The following PMF1 variants were observed in gnomAD, a reference collection of about 807,000 sequenced individuals.
PMF1 encodes the protein polyamine-modulated factor 1.
In PMF1, 21 loss-of-function variants were observed where a neutral mutation model predicts 26.7. The ratio of observed to expected loss-of-function variants is 0.79; its 90% confidence interval spans 0.56 to 1.13. The LOEUF (loss-of-function observed/expected upper bound fraction) is 1.13, where lower values mean the gene tolerates loss of function less well. PMF1 is among the 50% of genes most tolerant of loss of function. PMF1 has a pLI of 0.00. For missense variants in PMF1, 266 were observed against 254.9 expected, an observed-to-expected ratio of 1.04 and a Z score of -0.30; for synonymous variants, 105 against 101.0, an observed-to-expected ratio of 1.04 and a Z score of -0.24.
chr1:156,217,233 TAAAAAAAAAAAAG>T (rs1657814626), intron 1 of PMF1, among the ~76,000 whole-genome samples: 1 of 97,982 alleles, frequency 1.0e-5, no homozygotes, highest in African/African-American at 4.2e-5. Context: ...TAAAGTATAA[TAAAAAAAAAAAAG>T]AAAAAAAAAA....
At chr1:156,217,240 A>G (rs561544814) in intron 1 of PMF1, among the ~76,000 whole-genome samples, 1 of 121,832 alleles carries the variant, frequency 8.2e-6, no homozygotes, top group East Asian at 2.0e-4. Context: ...TAATAAAAAA[A>G]AAAAAGAAAA....
At chr1:156,217,203 T>G (rs1195666581) in intron 1 of PMF1, among the ~76,000 whole-genome samples, 2 of 139,952 alleles carry the variant, frequency 1.4e-5, no homozygotes, top group African/African-American at 2.7e-5. Context: ...CTGCACAATG[T>G]GCACATGTAC....
At position 156,220,421 on chromosome 1, in the gene PMF1, C is replaced by T. The variant is rs552461498; in HGVS notation, c.161+7245C>T. Among the ~76,000 whole-genome samples, 17 of 151,976 alleles carry T rather than the reference C, an allele frequency of 1.1e-4. No homozygotes were observed. The East Asian group carries it at 3.3e-3, about 29-fold the overall frequency. On this transcript the variant is annotated intron_variant, in intron 1 of 4. Transcript: ENST00000368277. ...TAGAAATGGGGTCTTGCTACATTGC[C>T]CAGTCTGGTCTCCAACTTCTAGGAT... is the stretch of plus-strand genomic sequence containing the variant.
At chr1:156,217,094 G>C (rs892335747) in intron 1 of PMF1, among the ~76,000 whole-genome samples, 4 of 151,106 alleles carry the variant, frequency 2.6e-5, no homozygotes, top group African/African-American at 7.3e-5. Flanking sequence ...GGGGTTGGGG[G>C]AGCGGGGAGG....
chr1:156,234,839 C>G (rs2103126088), intron 3 of PMF1, among the ~76,000 whole-genome samples: 1 of 152,132 alleles, frequency 6.6e-6, no homozygotes, highest in East Asian at 1.9e-4. Context: ...AGAAACTTAG[C>G]AGTGAACAAG....
intron 1 of PMF1, among the ~76,000 whole-genome samples, chr1:156,217,709 C>T (rs1411732428): frequency 6.8e-6 from 1 of 146,568 alleles, no homozygotes; most frequent in Non-Finnish European, 1.5e-5. Flanking sequence ...GCCTGGGCAA[C>T]AGAGCTAGTC....
chr1:156,224,912 T>C (rs1658271905), intron 1 of PMF1, among the ~76,000 whole-genome samples: 1 of 151,602 alleles, frequency 6.6e-6, no homozygotes, highest in Admixed American at 6.6e-5. Flanking sequence ...TTTTTTTTTT[T>C]CCTTTTTGAG....
In PMF1 at chr1:156,236,280, C is replaced by T. The variant is rs1320899157; in HGVS notation, c.369-8C>T. 6.2e-7 allele frequency: 1 copy of T among 1,601,374 alleles called. No individual in the cohort carries two copies. The highest frequency in any genetic ancestry group is 1.7e-5 in the Admixed American group (1 of 59,640). On this transcript the variant is annotated splice_polypyrimidine_tract_variant and splice_region_variant and intron_variant, in intron 3 of 4. Coordinates refer to ENST00000368277, the MANE Select transcript of PMF1 (RefSeq NM_007221.4). Reference sequence around the variant, plus strand: ...CCTTCATTCCTTGTGCCCCGTGTGGCCCTCCAGGCGCCCCAGCGGGATCCC... The same window carrying T: ...CCTTCATTCCTTGTGCCCCGTGTGGTCCTCCAGGCGCCCCAGCGGGATCCC...
chr1:156,236,151 A>ACC, intron 3 of PMF1, 137 bp from the exon 4 acceptor site: 1 of 1,141,878 alleles, frequency 8.8e-7, no homozygotes, highest in Non-Finnish European at 1.2e-6. Context: ...GGTGAGAGGG[A>ACC]CCACAGGAGA....
intron 3 of PMF1, 123 bp from the exon 4 acceptor site, chr1:156,236,165 C>G: frequency 7.3e-7 from 1 of 1,366,690 alleles, no homozygotes; most frequent in Non-Finnish European, 1.0e-6. Flanking sequence ...CAGGAGAGAC[C>G]TGGGAAGCCA....
chr1:156,218,816 C>T (rs909012498), intron 1 of PMF1, among the ~76,000 whole-genome samples: 4 of 151,952 alleles, frequency 2.6e-5, no homozygotes, highest in African/African-American at 9.7e-5. Context: ...ACAGATATTG[C>T]CTAATCCGTT....
chr1:156,232,485 T>A, intron 2 of PMF1, 60 bp downstream of exon 2: 1 of 1,544,804 alleles, frequency 6.5e-7, no homozygotes, highest in Non-Finnish European at 8.9e-7. Context: ...AGATTGTCAG[T>A]CCCCTGAGGG....
chr1:156,234,897 G>A (rs1031557273), intron 3 of PMF1, among the ~76,000 whole-genome samples: 3 of 152,052 alleles, frequency 2.0e-5, no homozygotes, highest in African/African-American at 7.2e-5. Context: ...AGCAGCAGCC[G>A]GCTACCTGGT....
At chr1:156,238,111 T>C (rs1173219537) in intron 4 of PMF1, among the ~76,000 whole-genome samples, 3 of 152,190 alleles carry the variant, frequency 2.0e-5, no homozygotes, top group Non-Finnish European at 2.9e-5. Flanking sequence ...TATTTCTGAG[T>C]CTGTATTCTG....
At position 156,236,314 on chromosome 1, in the gene PMF1, A is replaced by G. The variant is rs766510624; in HGVS notation, c.395A>G (p.Asp132Gly). The change falls in exon 4 of 5, where the codon GAT (aspartate) becomes GGT (glycine). Residue 132 changes from aspartate to glycine, a missense_variant. Transcript: ENST00000368277. ...AWRPSGIPEK[D>G]LHSVMAPYFL... ...CGCCCCAGCGGGATCCCAGAGAAGG[A>G]TCTGCACAGTGTTATGGCACCCTAC... 2.9e-5 allele frequency: 47 copies of G among 1,613,880 alleles called. No homozygotes were observed. In the Admixed American group the frequency reaches 7.7e-4, roughly 26 times the overall value.
At chr1:156,223,149 G>A (rs948278777) in intron 1 of PMF1, among the ~76,000 whole-genome samples, 3 of 152,196 alleles carry the variant, frequency 2.0e-5, no homozygotes, top group South Asian at 2.1e-4. Flanking sequence ...ATCAAACTGT[G>A]GTGTGTGGCT....
intron 3 of PMF1, among the ~76,000 whole-genome samples, chr1:156,235,435 ATTTTTTTTT>A (rs36002644): frequency 1.4e-5 from 1 of 69,086 alleles, no homozygotes; most frequent in African/African-American, 5.2e-5. Flanking sequence ...TTGAAAAATA[ATTTTTTTTT>A]TTTTTTTTTT....
At chr1:156,219,690 A>G (rs1241503796) in intron 1 of PMF1, among the ~76,000 whole-genome samples, 10 of 151,590 alleles carry the variant, frequency 6.6e-5, no homozygotes, top group Admixed American at 6.6e-4. Context: ...GGCTCAAGTG[A>G]TCCTCCCATC....
intron 2 of PMF1, 89 bp from the exon 3 acceptor site, chr1:156,233,539 A>G: frequency 1.5e-6 from 2 of 1,378,328 alleles, no homozygotes; most frequent in Admixed American, 2.0e-5. Context: ...AAATTAGCCA[A>G]AATCTTACCA....
Sources: allele counts gnomAD v4.1 joint callset (sites outside exome capture counted in the v4.1 genomes callset), GRCh38; gene constraint gnomAD v4.1.1; transcripts MANE v1.5; gene names NCBI Gene and HGNC (gene_info 2026-07-23, HGNC 2026-07-21).